MAF: variants seen among roughly 807,000 people sequenced by gnomAD.
MAF encodes the protein MAF bZIP transcription factor.
Under a neutral mutation model 22.0 loss-of-function variants are expected in MAF, and 10 were observed. That is an observed-to-expected ratio of 0.45 (90% CI 0.28 to 0.77). The LOEUF (loss-of-function observed/expected upper bound fraction) is 0.77, where lower values mean the gene tolerates loss of function less well. Ranked by LOEUF, MAF falls within the 30% of genes least tolerant of loss-of-function variation. The pLI is 0.12. For synonymous variants in MAF, 337 were observed against 255.8 expected, an observed-to-expected ratio of 1.32 and a Z score of -3.03; for missense variants, 544 against 548.4, an observed-to-expected ratio of 0.99 and a Z score of 0.08.
chr16:79,213,565 A>T, the MAF span, among the ~76,000 whole-genome samples: 701 of 152,314 alleles, frequency 4.6e-3, 3 homozygotes, highest in African/African-American at 0.016. Flanking sequence ...AGTGCTTTGC[A>T]CTGGGGCTTG....
intron 1 of MAF, chr16:79,594,875 G>T: frequency 1.3e-5 from 16 of 1,216,772 alleles, no homozygotes; most frequent in Non-Finnish European, 1.4e-5. Flanking sequence ...CTAAAGTTTG[G>T]GGGCCCAAAC....
chr16:79,307,487 C>T, the MAF span, among the ~76,000 whole-genome samples: 2 of 152,180 alleles, frequency 1.3e-5, no homozygotes, highest in African/African-American at 4.8e-5. Context: ...AGTTCATGTG[C>T]CTGTTGGAAA....
At chr16:79,394,660 G>C in the MAF span, among the ~76,000 whole-genome samples, 2 of 152,162 alleles carry the variant, frequency 1.3e-5, no homozygotes, top group Admixed American at 6.5e-5. Flanking sequence ...AACTCATAGA[G>C]AGCAGTGATT....
At chr16:79,369,804 T>C in the MAF span, among the ~76,000 whole-genome samples, 19 of 152,334 alleles carry the variant, frequency 1.2e-4, no homozygotes, top group East Asian at 3.5e-3. Context: ...TTCTGGCCAA[T>C]CTCAAATCGT....
At chr16:79,567,614 G>C in the MAF span, among the ~76,000 whole-genome samples, 6 of 152,194 alleles carry the variant, frequency 3.9e-5, no homozygotes, top group East Asian at 1.9e-4. Context: ...ATTAAATAAA[G>C]TGAGGGCTTC....
chr16:79,519,279 T>C, the MAF span, among the ~76,000 whole-genome samples: 5 of 152,214 alleles, frequency 3.3e-5, no homozygotes, highest in Admixed American at 6.5e-5. Flanking sequence ...TCTCTGAAGA[T>C]AATGGAACCC....
chr16:79,511,564 G>C, the MAF span, among the ~76,000 whole-genome samples: 3 of 152,206 alleles, frequency 2.0e-5, no homozygotes, highest in African/African-American at 7.2e-5. Flanking sequence ...AGCCAGGAGA[G>C]AGATGTGTGC....
intron 1 of MAF, chr16:79,595,566 A>T (rs1913468607): frequency 1.9e-6 from 2 of 1,059,774 alleles, no homozygotes; most frequent in Admixed American, 5.4e-5. Flanking sequence ...CATTAGTTTC[A>T]TGAATTTGTG....
At chr16:79,213,623 C>T in the MAF span, among the ~76,000 whole-genome samples, 3 of 152,164 alleles carry the variant, frequency 2.0e-5, no homozygotes, top group Non-Finnish European at 4.4e-5. Context: ...TCATAGGGAA[C>T]GGCTCCTGGG....
rs5818250 is a variant in MAF at position 79,598,581 on chromosome 16, GGT to G, written c.1118+202_1118+203del. On this transcript the variant is annotated intron_variant, in intron 1 of 1. Coordinates refer to ENST00000326043, the MANE Select transcript of MAF (RefSeq NM_005360.5). ...CACCACAAACTCGAGCAGGGTGTGG[GGT>G]GTGTGTGTGTGTGTGTGTGTGTGTG... 177,848 of 1,382,978 alleles carry G rather than the reference GGT, an allele frequency of 0.13. 2,291 individuals carry two copies. The highest frequency in any genetic ancestry group is 0.3 in the East Asian group (11,246 of 37,622). 85.7% of individuals were successfully genotyped at this position (1,382,978 alleles called of 1,614,324 possible).
the MAF span, among the ~76,000 whole-genome samples, chr16:79,441,824 G>C: frequency 6.6e-6 from 1 of 152,326 alleles, no homozygotes; most frequent in South Asian, 2.1e-4. Flanking sequence ...TGTAAATAGA[G>C]CCTTCACATG....
the MAF span, among the ~76,000 whole-genome samples, chr16:79,448,078 C>T: frequency 6.6e-6 from 1 of 152,034 alleles, no homozygotes; most frequent in Non-Finnish European, 1.5e-5. Flanking sequence ...TAGAATATTC[C>T]ATACACTTAG....
At chr16:79,490,568 A>T in the MAF span, among the ~76,000 whole-genome samples, 273 of 152,276 alleles carry the variant, frequency 1.8e-3, 1 homozygote, top group African/African-American at 6.0e-3. Flanking sequence ...GATACCTCAG[A>T]TATATGGTTA....
At chr16:79,503,820 C>G in the MAF span, among the ~76,000 whole-genome samples, 5 of 152,176 alleles carry the variant, frequency 3.3e-5, no homozygotes, top group Non-Finnish European at 7.3e-5. Context: ...TCTTGACCTT[C>G]TTTCATAATG....
chr16:79,333,162 G>C, the MAF span, among the ~76,000 whole-genome samples: 1 of 152,178 alleles, frequency 6.6e-6, no homozygotes, highest in Non-Finnish European at 1.5e-5. Flanking sequence ...GGTGATGGCG[G>C]TCCTGGCTCT....
chr16:79,600,512 G>A lies in MAF; in HGVS notation c.-610C>T. ...TTTTTCTTTCCTCTCTCTCCCTCGC[G>A]CGCTCTCTACCTCTGTGCAAAGTGC... On this transcript the variant is annotated 5_prime_UTR_variant, in exon 1 of 2. Transcript: ENST00000326043. 1 of 195,388 alleles carries A rather than the reference G, an allele frequency of 5.1e-6. No individual in the cohort carries two copies. The highest frequency in any genetic ancestry group is 1.2e-5 in the Non-Finnish European group (1 of 84,874). 12.1% of individuals were successfully genotyped at this position (195,388 alleles called of 1,614,324 possible). A position where few individuals can be genotyped will look rare whatever the true frequency, so the allele number is the denominator to read the frequency against.
chr16:79,273,949 C>CTTTTTTTTTTTTTTT, the MAF span, among the ~76,000 whole-genome samples: 2 of 86,458 alleles, frequency 2.3e-5, 1 homozygote. Flanking sequence ...TCGTGTCTGC[C>CTTTTTTTTTTTTTTT]TTTTTTTTTT....
the MAF span, among the ~76,000 whole-genome samples, chr16:79,553,982 G>C: frequency 3.7e-3 from 567 of 152,152 alleles, 1 homozygote; most frequent in Non-Finnish European, 5.9e-3. Flanking sequence ...CCAGCTACTC[G>C]GGAGGCTGAG....
chr16:79,236,951 A>AAG, the MAF span, among the ~76,000 whole-genome samples: 1 of 151,212 alleles, frequency 6.6e-6, no homozygotes, highest in Non-Finnish European at 1.5e-5. Context: ...TCGGAAAAAA[A>AAG]AAAAAAAACT....
Sources: gnomAD v4.1 joint callset for allele counts (sites outside exome capture counted in the v4.1 genomes callset) on GRCh38, gnomAD v4.1.1 for gene constraint, MANE v1.5 for transcripts, NCBI Gene and HGNC (gene_info 2026-07-23, HGNC 2026-07-21) for gene names.